The following YIPF1 variants were observed in gnomAD, a reference collection of about 807,000 sequenced individuals.
YIPF1 encodes Yip1 domain family member 1, also known as protein YIPF1.
A neutral mutation model predicts 37.0 loss-of-function variants in YIPF1; 22 were observed. That is an observed-to-expected ratio of 0.59 (90% CI 0.42 to 0.85). The LOEUF (loss-of-function observed/expected upper bound fraction) is 0.85. Ranked by LOEUF, YIPF1 falls within the 40% of genes least tolerant of loss-of-function variation. YIPF1 has a pLI of 0.00. For synonymous variants in YIPF1, 128 were observed against 131.9 expected, an observed-to-expected ratio of 0.97 and a Z score of 0.21; for missense variants, 355 against 373.1, an observed-to-expected ratio of 0.95 and a Z score of 0.40.
intron 7 of YIPF1, among the ~76,000 whole-genome samples, chr1:53,868,008 T>C (rs982551315): frequency 2.0e-5 from 3 of 152,088 alleles, no homozygotes; most frequent in Non-Finnish European, 4.4e-5. Flanking sequence ...TACATGAAAA[T>C]CAGTAGGTAA....
At chr1:53,860,888 C>A (rs1235445929) in intron 9 of YIPF1, among the ~76,000 whole-genome samples, 2 of 152,180 alleles carry the variant, frequency 1.3e-5, no homozygotes, top group African/African-American at 4.8e-5. Context: ...AACTTGAGCC[C>A]AGGAAAATAC....
intron 6 of YIPF1, among the ~76,000 whole-genome samples, chr1:53,872,423 A>G (rs567837854): frequency 2.6e-5 from 4 of 152,196 alleles, no homozygotes; most frequent in Non-Finnish European, 4.4e-5. Context: ...CATAAAAATC[A>G]GCTTGTTCTT....
At chr1:53,884,921 C>G (rs1332072616) in intron 3 of YIPF1, among the ~76,000 whole-genome samples, 2 of 152,190 alleles carry the variant, frequency 1.3e-5, no homozygotes, top group Non-Finnish European at 2.9e-5. Flanking sequence ...CTTATTGCCT[C>G]TCAACTATAT....
chr1:53,882,972 CCCA>C, intron 4 of YIPF1, 138 bp downstream of exon 4: 1 of 929,828 alleles, frequency 1.1e-6, no homozygotes, highest in Non-Finnish European at 1.5e-6. Context: ...GCCTGTTTCC[CCCA>C]CCAAGGAAGA....
rs561200640 is a variant in YIPF1 at position 53,887,227 on chromosome 1, G to C, written c.31+1680C>G. Among the ~76,000 whole-genome samples, 20 of 152,024 alleles carry C rather than the reference G, an allele frequency of 1.3e-4. 1 individual carries two copies. The highest frequency in any genetic ancestry group is 1.5e-4 in the African/African-American group (6 of 41,318). ...CCAGAGTAGCTGGGATTACAGGCGTGCACCACCATGCCCAGCTAATTTTTG... is the reference window on the plus strand; with the variant it reads ...CCAGAGTAGCTGGGATTACAGGCGTCCACCACCATGCCCAGCTAATTTTTG... On this transcript the variant is annotated intron_variant, in intron 3 of 10. Transcript: ENST00000072644.
intron 6 of YIPF1, among the ~76,000 whole-genome samples, chr1:53,872,685 G>A (rs556765491): frequency 2.0e-5 from 3 of 152,038 alleles, no homozygotes; most frequent in Non-Finnish European, 2.9e-5. Flanking sequence ...ACAAAATTAC[G>A]AACATTACTG....
chr1:53,877,589 G>A (rs1650365834), intron 6 of YIPF1, among the ~76,000 whole-genome samples: 1 of 152,076 alleles, frequency 6.6e-6, no homozygotes, highest in African/African-American at 2.4e-5. Context: ...TTAAGGTCAG[G>A]GATGACAACA....
intron 10 of YIPF1, among the ~76,000 whole-genome samples, chr1:53,854,580 T>A (rs1269746368): frequency 1.3e-5 from 2 of 152,254 alleles, no homozygotes; most frequent in Non-Finnish European, 2.9e-5. Context: ...CACAGTCTGA[T>A]CTGGGATGTT....
intron 7 of YIPF1, among the ~76,000 whole-genome samples, chr1:53,867,208 C>T (rs1650052780): frequency 6.6e-6 from 1 of 152,040 alleles, no homozygotes; most frequent in Non-Finnish European, 1.5e-5. Context: ...TAACTAACAA[C>T]TAATATTATT....
At chr1:53,874,895 G>A (rs976689826) in intron 6 of YIPF1, among the ~76,000 whole-genome samples, 1 of 151,940 alleles carries the variant, frequency 6.6e-6, no homozygotes, top group Admixed American at 6.6e-5. Flanking sequence ...TTTAACTACA[G>A]AATTCCATGT....
rs546621810 is a variant in YIPF1 at position 53,888,746 on chromosome 1, G to A, written c.31+161C>T. 2.6e-5 allele frequency among the ~76,000 whole-genome samples: 4 copies of A among 152,298 alleles called. No homozygotes were observed. In the East Asian group the frequency reaches 7.7e-4, roughly 29 times the overall value. ...GGCAAAAAAAACAAAAACAAAAACA[G>A]CTGGTGTGGACAAACAGGAAACACC... On this transcript the variant is annotated intron_variant, in intron 3 of 10. Coordinates refer to ENST00000072644, the MANE Select transcript of YIPF1 (RefSeq NM_018982.5).
Position 53,860,037 on chromosome 1 carries a change from T to C in YIPF1, c.*8+19A>G, listed in dbSNP as rs760890531. ...TGTTTTATGGCACCACACAGCAAAATAAAAATAGAATCTCTTACTTTCCTC... is the reference window on the plus strand; with the variant it reads ...TGTTTTATGGCACCACACAGCAAAACAAAAATAGAATCTCTTACTTTCCTC... On this transcript the variant is annotated intron_variant, in intron 10 of 10. Transcript: ENST00000072644. 6 of 1,612,716 alleles carry C rather than the reference T, an allele frequency of 3.7e-6. No homozygotes were observed. Among genetic ancestry groups the C allele is most frequent in the Middle Eastern group, 1.7e-4 (1 of 6,054 alleles).
At chr1:53,852,638 A>C (rs1456404602) in intron 10 of YIPF1, among the ~76,000 whole-genome samples, 1 of 152,206 alleles carries the variant, frequency 6.6e-6, no homozygotes, top group East Asian at 1.9e-4. Context: ...AGGGACTTAA[A>C]GATCTGGGAC....
intron 10 of YIPF1, among the ~76,000 whole-genome samples, chr1:53,858,883 G>C (rs1306972986): frequency 1.3e-5 from 2 of 152,156 alleles, no homozygotes; most frequent in Non-Finnish European, 2.9e-5. Flanking sequence ...TGATCTGCCT[G>C]CCTTGGCCTC....
chr1:53,861,683 A>G (rs1649883061), intron 9 of YIPF1, among the ~76,000 whole-genome samples: 1 of 108,838 alleles, frequency 9.2e-6, no homozygotes, highest in African/African-American at 3.5e-5. Flanking sequence ...GAAGGAAGGG[A>G]GAGAGAGAGG....
At chr1:53,882,503 G>T (rs1650528973) in intron 4 of YIPF1, among the ~76,000 whole-genome samples, 1 of 151,468 alleles carries the variant, frequency 6.6e-6, no homozygotes, top group African/African-American at 2.4e-5. Flanking sequence ...TGTTGCCGAG[G>T]CTGGAGTGTA....
intron 10 of YIPF1, among the ~76,000 whole-genome samples, chr1:53,859,285 C>T (rs968335494): frequency 2.0e-5 from 3 of 152,174 alleles, no homozygotes; most frequent in African/African-American, 4.8e-5. Flanking sequence ...CAGATGGACA[C>T]ATGATTAGTC....
intron 10 of YIPF1, among the ~76,000 whole-genome samples, chr1:53,854,614 T>C (rs775254288): frequency 1.3e-5 from 2 of 152,228 alleles, no homozygotes; most frequent in African/African-American, 2.4e-5. Context: ...CCCATAATCA[T>C]GTTTCTCTCT....
chr1:53,888,492 A>G (rs926456), intron 3 of YIPF1, among the ~76,000 whole-genome samples: 90,772 of 152,084 alleles, frequency 0.6, 27,757 homozygotes, highest in East Asian at 0.85. Flanking sequence ...TACTGATTCA[A>G]TGAGGGAATG....
Sources: gnomAD v4.1 joint callset for allele counts (sites outside exome capture counted in the v4.1 genomes callset) on GRCh38, gnomAD v4.1.1 for gene constraint, MANE v1.5 for transcripts, NCBI Gene and HGNC (gene_info 2026-07-23, HGNC 2026-07-21) for gene names.